Variants in NEK1 observed in about 807,000 individuals in gnomAD.
NEK1 encodes NIMA related kinase 1, also known as serine/threonine-protein kinase Nek1.
Under a neutral mutation model 182.1 loss-of-function variants are expected in NEK1, and 137 were observed. The ratio of observed to expected loss-of-function variants is 0.75; its 90% CI spans 0.65 to 0.87. The LOEUF (loss-of-function observed/expected upper bound fraction) is 0.87, where lower values mean the gene tolerates loss of function less well. Among genes scored for constraint, NEK1 ranks in the 40% least tolerant of loss-of-function variants. NEK1 has a pLI of 0.00. For missense variants in NEK1, 1,391 were observed against 1,494.4 expected (o/e 0.93, Z 1.14); for synonymous variants, 513 against 492.2 (o/e 1.04, Z -0.56).
chr4:169,542,363 T>C (rs1224461660), intron 18 of NEK1, among the ~76,000 whole-genome samples: 1 of 152,236 alleles, frequency 6.6e-6, no homozygotes, highest in African/African-American at 2.4e-5. Flanking sequence ...TAGTATTCCA[T>C]GGTGTATATG....
intron 27 of NEK1, among the ~76,000 whole-genome samples, chr4:169,443,969 A>G (rs1740020047): frequency 6.6e-6 from 1 of 152,226 alleles, no homozygotes; most frequent in African/African-American, 2.4e-5. Context: ...TCAAAAATGA[A>G]GGAGAAATAA....
At chr4:169,412,091 A>G (rs549246370) in intron 31 of NEK1, among the ~76,000 whole-genome samples, 53 of 152,294 alleles carry the variant, frequency 3.5e-4, no homozygotes, top group African/African-American at 1.1e-3. Context: ...TTTCCTCACT[A>G]CTGTTAACTC....
intron 18 of NEK1, among the ~76,000 whole-genome samples, chr4:169,542,941 T>C (rs937266007): frequency 6.6e-6 from 1 of 152,206 alleles, no homozygotes; most frequent in Non-Finnish European, 1.5e-5. Flanking sequence ...GTAGGTTGCC[T>C]GTTCACTCTG....
chr4:169,497,182 T>G (rs1219827621), intron 23 of NEK1, among the ~76,000 whole-genome samples: 1 of 152,226 alleles, frequency 6.6e-6, no homozygotes, highest in African/African-American at 2.4e-5. Flanking sequence ...ATTTTCTAGT[T>G]TATTTGCGTA....
intron 2 of NEK1, 50 bp from the exon 3 acceptor site, chr4:169,602,728 T>C: frequency 1.5e-6 from 1 of 645,362 alleles, no homozygotes; most frequent in South Asian, 2.0e-5. Context: ...CATTATAACT[T>C]CATAACAATT....
intron 19 of NEK1, among the ~76,000 whole-genome samples, chr4:169,530,195 G>A (rs1172332468): frequency 1.3e-5 from 2 of 152,128 alleles, no homozygotes; most frequent in African/African-American, 4.8e-5. Flanking sequence ...AATGAAACAA[G>A]CTATTTATAC....
intron 19 of NEK1, among the ~76,000 whole-genome samples, chr4:169,515,244 T>C (rs1754969386): frequency 6.6e-6 from 1 of 152,204 alleles, no homozygotes. Context: ...GTGCTTAAAA[T>C]GTGTATTTTG....
At chr4:169,554,761 A>C (rs1761929342) in intron 18 of NEK1, 1 of 152,138 alleles carries the variant, frequency 6.6e-6, no homozygotes, top group Non-Finnish European at 1.5e-5. Context: ...CATTCGTCAA[A>C]AGCCATGGAG....
intron 26 of NEK1, among the ~76,000 whole-genome samples, chr4:169,476,712 T>C (rs1309575915): frequency 1.3e-5 from 2 of 152,126 alleles, no homozygotes; most frequent in Admixed American, 6.6e-5. Context: ...TCACCGAATA[T>C]ATAAATCATT....
At chr4:169,482,335 T>G (rs1748197612) in intron 23 of NEK1, among the ~76,000 whole-genome samples, 1 of 152,176 alleles carries the variant, frequency 6.6e-6, no homozygotes, top group African/African-American at 2.4e-5. Context: ...TCACCCAGGC[T>G]GGAGTGCAGA....
At position 169,571,690 on chromosome 4, in the gene NEK1, T is replaced by C. The variant is rs1764879841; in HGVS notation, c.1020+5238A>G. On this transcript the variant is annotated intron_variant, in intron 12 of 35. Transcript: ENST00000507142. Reference sequence around the variant, plus strand: ...TAGCAAATGAGACTTGGAAAGGTAATGAGGCTGTCGGGGGCTTTGTAGACA... The same window carrying C: ...TAGCAAATGAGACTTGGAAAGGTAACGAGGCTGTCGGGGGCTTTGTAGACA... 2.6e-5 allele frequency among the ~76,000 whole-genome samples: 4 copies of C among 152,064 alleles called. No homozygotes were observed. The South Asian group carries it at 8.3e-4, about 32-fold the overall frequency.
intron 31 of NEK1, among the ~76,000 whole-genome samples, chr4:169,409,201 G>A (rs1733190619): frequency 6.6e-6 from 1 of 152,078 alleles, no homozygotes. Flanking sequence ...CTGGAGTGCA[G>A]TGGCGCGATC....
chr4:169,395,868 C>T (rs913220848), intron 35 of NEK1, among the ~76,000 whole-genome samples: 1 of 152,266 alleles, frequency 6.6e-6, no homozygotes, highest in Admixed American at 6.5e-5. Flanking sequence ...CGTACATGCA[C>T]ATCTAAATAA....
At position 169,589,484 on chromosome 4, in the gene NEK1, G is replaced by A; in HGVS notation, c.427C>T (p.Gln143Ter). 1 of 1,510,558 alleles carries A rather than the reference G, an allele frequency of 6.6e-7. No individual in the cohort carries two copies. The allele number at this position is 1,510,558 out of a possible 1,614,324, so 93.6% of individuals were successfully genotyped here. A position where few individuals can be genotyped will look rare whatever the true frequency, so the allele number is the denominator to read the frequency against. The change falls in exon 7 of 36, where the codon CAA (glutamine) becomes TAA (stop). Residue 143 changes from glutamine to a stop codon, truncating the protein, a stop_gained. Coordinates refer to ENST00000507142, the MANE Select transcript of NEK1 (RefSeq NM_001199397.3). LOFTEE classifies it high-confidence loss of function. ...NIFLTKDGTV[Q>*]LGDFGIARVL... is the part of the protein sequence containing the mutation. Reference sequence around the variant, plus strand: ...CTAGCAATTCCAAAATCTCCAAGTTGTACTGTTCCATCTTTAGTTAAAAAT... The same window carrying A: ...CTAGCAATTCCAAAATCTCCAAGTTATACTGTTCCATCTTTAGTTAAAAAT...
In NEK1 at chr4:169,534,370, CAG is replaced by C. The variant is rs531478591; in HGVS notation, c.1665+3437_1665+3438del. Among the ~76,000 whole-genome samples the C allele has an allele frequency of 5.3e-5, 8 of 152,278 alleles. No homozygotes were observed. The East Asian group carries it at 1.5e-3, about 29-fold the overall frequency. On this transcript the variant is annotated intron_variant, in intron 19 of 35. Coordinates refer to ENST00000507142, the MANE Select transcript of NEK1 (RefSeq NM_001199397.3). ...GCAGCACAGAGAGAAGGTAACCAAACAGAGCTTGGCAGTCCCCTTAGTTGAGG... is the reference window on the plus strand; with the variant it reads ...GCAGCACAGAGAGAAGGTAACCAAACAGCTTGGCAGTCCCCTTAGTTGAGG...
At chr4:169,540,941 T>TGTAA (rs960925363) in intron 18 of NEK1, among the ~76,000 whole-genome samples, 3 of 152,082 alleles carry the variant, frequency 2.0e-5, no homozygotes, top group Non-Finnish European at 4.4e-5. Flanking sequence ...CTTTTCTTAT[T>TGTAA]GTAAACACAT....
At chr4:169,595,054 C>T (rs1001223899) in intron 5 of NEK1, among the ~76,000 whole-genome samples, 2 of 152,066 alleles carry the variant, frequency 1.3e-5, no homozygotes, top group African/African-American at 4.8e-5. Context: ...AAGGACTACA[C>T]TAGGAATGCC....
At position 169,479,438 on chromosome 4, in the gene NEK1, T is replaced by C. The variant is rs1448534271; in HGVS notation, c.2104A>G (p.Ile702Val). Residue 702 changes from isoleucine to valine, a missense_variant, in exon 24 of 36, where the codon ATT (isoleucine) becomes GTT (valine). Physicochemically the swap from Ile to Val is conservative, Grantham distance 29. This residue lies in a region of NEK1 where 1,216 missense variants were observed against 1,277.6 expected (regional missense o/e 0.95). Coordinates refer to ENST00000507142, the MANE Select transcript of NEK1 (RefSeq NM_001199397.3). ...TCTTTCAAAGCTGAAGTTACAGAAA[T>C]AACAGATCTCATCTGTTGCTTTGAT... ...SPSKQQMRSV[I>V]SVTSALKEVG... 1 of 1,612,024 alleles carries C rather than the reference T, an allele frequency of 6.2e-7. No individual in the cohort carries two copies. The highest frequency in any genetic ancestry group is 1.3e-5 in the African/African-American group (1 of 74,876).
intron 18 of NEK1, among the ~76,000 whole-genome samples, chr4:169,549,498 C>G (rs895513072): frequency 2.6e-5 from 4 of 152,204 alleles, no homozygotes; most frequent in Non-Finnish European, 2.9e-5. Context: ...TCTCGGCTCA[C>G]TGCAACCTCT....
Sources: gnomAD v4.1 joint callset for allele counts (sites outside exome capture counted in the v4.1 genomes callset) on GRCh38, gnomAD v4.1.1 for gene constraint, gnomAD v4.1.1 regional missense constraint, MANE v1.5 for transcripts, NCBI Gene and HGNC (gene_info 2026-07-23, HGNC 2026-07-21) for gene names.